Variants in GLCE observed in about 807,000 individuals in gnomAD.
The protein encoded by GLCE is D-glucuronyl C5-epimerase.
GLCE carries 19 observed loss-of-function variants against 47.9 expected under a neutral mutation model. That is an observed-to-expected ratio of 0.40 (90% CI 0.28 to 0.58). GLCE has a LOEUF of 0.58. Among genes scored for constraint, GLCE ranks in the 20% least tolerant of loss-of-function variants. GLCE has a pLI of 0.48. For missense variants in GLCE, 556 were observed against 743.3 expected (o/e 0.75, Z 2.93); for synonymous variants, 245 against 263.4 (o/e 0.93, Z 0.68).
intron 1 of GLCE, among the ~76,000 whole-genome samples, chr15:69,167,743 T>C (rs1232130670): frequency 6.6e-6 from 1 of 152,108 alleles, no homozygotes; most frequent in Non-Finnish European, 1.5e-5. Context: ...GTTACAGAAA[T>C]TTCTATATAG....
chr15:69,165,413 T>A (rs2051487154), intron 1 of GLCE, among the ~76,000 whole-genome samples: 1 of 152,070 alleles, frequency 6.6e-6, no homozygotes, highest in African/African-American at 2.4e-5. Flanking sequence ...AGCCTTCACA[T>A]ATGTTCTCTC....
At position 69,261,393 on chromosome 15, in the gene GLCE, TA is replaced by T. The variant is rs2053013111; in HGVS notation, c.829+68del. Reference sequence around the variant, plus strand: ...GATTTATGGGACCCTGATAGTCCCTTAAAATTTTAATATGGTTTAAAAAAAC... The same window carrying T: ...GATTTATGGGACCCTGATAGTCCCTTAAATTTTAATATGGTTTAAAAAAAC... On this transcript the variant is annotated intron_variant, in intron 4 of 4. Transcript: ENST00000261858. 21 of 1,482,840 alleles carry T rather than the reference TA, an allele frequency of 1.4e-5. No individual in the cohort carries two copies. The South Asian group carries it at 2.7e-4, about 19-fold the overall frequency. The allele number at this position is 1,482,840 out of a possible 1,614,324, so 91.9% of individuals were successfully genotyped here.
Position 69,193,246 on chromosome 15 carries a change from T to C in GLCE, c.-104-17070T>C, listed in dbSNP as rs142917739. 4.6e-5 allele frequency among the ~76,000 whole-genome samples: 7 copies of C among 152,270 alleles called. No homozygotes were observed. In the East Asian group the frequency reaches 1.4e-3, roughly 29 times the overall value. ...GAGGGCCCTATTATTATTGCCCTTT[T>C]AGGGCAATAGTCTGGTATCATAGAC... is the stretch of plus-strand genomic sequence containing the variant. On this transcript the variant is annotated intron_variant, in intron 1 of 4. Transcript: ENST00000261858.
intron 1 of GLCE, among the ~76,000 whole-genome samples, chr15:69,177,315 G>A (rs2051682409): frequency 6.6e-6 from 1 of 152,034 alleles, no homozygotes; most frequent in Non-Finnish European, 1.5e-5. Context: ...CATCTGCCTT[G>A]GTCTCCCAAA....
At chr15:69,203,130 C>T (rs1029895090) in intron 1 of GLCE, among the ~76,000 whole-genome samples, 5 of 152,050 alleles carry the variant, frequency 3.3e-5, no homozygotes, top group Non-Finnish European at 7.4e-5. Context: ...CTTAGCATTT[C>T]AGTGGCCAGT....
rs1485536596 is a variant in GLCE, at chr15:69,270,633, G to A, written c.*1389G>A. The A allele has an allele frequency of 6.6e-6, 1 of 152,144 alleles. No homozygotes were observed. The highest frequency in any genetic ancestry group is 1.5e-5 in the Non-Finnish European group (1 of 68,028). 9.4% of individuals were successfully genotyped at this position (152,144 alleles called of 1,614,324 possible). On this transcript the variant is annotated 3_prime_UTR_variant, in exon 5 of 5. Transcript: ENST00000261858. ...TACATTTATCTGTGACCTATATCAA[G>A]TACACATTTAGGAGCCAGGTAGGTT...
At chr15:69,223,326 T>C (rs1229482722) in intron 2 of GLCE, among the ~76,000 whole-genome samples, 2 of 152,312 alleles carry the variant, frequency 1.3e-5, no homozygotes, top group African/African-American at 2.4e-5. Flanking sequence ...TTGCCGGATA[T>C]AGGATTCTTG....
intron 2 of GLCE, among the ~76,000 whole-genome samples, chr15:69,222,894 A>G (rs933243030): frequency 6.6e-6 from 1 of 152,160 alleles, no homozygotes; most frequent in African/African-American, 2.4e-5. Flanking sequence ...TGTGGTTACC[A>G]TGGGATTACA....
At chr15:69,172,141 C>T (rs2140330257) in intron 1 of GLCE, among the ~76,000 whole-genome samples, 1 of 152,218 alleles carries the variant, frequency 6.6e-6, no homozygotes. Flanking sequence ...ATTCAATTAA[C>T]CATTTTTTTT....
chr15:69,255,285 G>A (rs1298354685), intron 2 of GLCE, among the ~76,000 whole-genome samples: 3 of 152,084 alleles, frequency 2.0e-5, no homozygotes, highest in Non-Finnish European at 4.4e-5. Context: ...TTCAGAAATC[G>A]AAAATACAAA....
In GLCE at chr15:69,268,095, A is replaced by G. The variant is rs1183680016; in HGVS notation, c.830-125A>G. 5.0e-6 allele frequency: 3 copies of G among 600,362 alleles called. No individual in the cohort carries two copies. The Admixed American group carries it at 9.6e-5, about 19-fold the overall frequency. 37.2% of individuals were successfully genotyped at this position (600,362 alleles called of 1,614,324 possible). A position where few individuals can be genotyped will look rare whatever the true frequency, so the allele number is the denominator to read the frequency against. ...AAAAAATAAAATTACAAATGATCTGATACTAAAAATATGTAAGTGTTAATT... is the reference window on the plus strand; with the variant it reads ...AAAAAATAAAATTACAAATGATCTGGTACTAAAAATATGTAAGTGTTAATT... On this transcript the variant is annotated intron_variant, in intron 4 of 4. Transcript: ENST00000261858.
chr15:69,200,412 A>G (rs1222239879), intron 1 of GLCE, among the ~76,000 whole-genome samples: 1 of 152,168 alleles, frequency 6.6e-6, no homozygotes, highest in East Asian at 1.9e-4. Flanking sequence ...GGCATATGAA[A>G]TTTGCAGTTT....
intron 1 of GLCE, among the ~76,000 whole-genome samples, chr15:69,164,687 T>A (rs989914239): frequency 6.6e-6 from 1 of 152,108 alleles, no homozygotes; most frequent in Admixed American, 6.5e-5. Flanking sequence ...ACTAGTTCCA[T>A]GTAATTTTTA....
chr15:69,240,309 A>AG (rs2052651339), intron 2 of GLCE, among the ~76,000 whole-genome samples: 1 of 149,726 alleles, frequency 6.7e-6, no homozygotes, highest in African/African-American at 2.5e-5. Flanking sequence ...AAAAAAAAAA[A>AG]AGAAAAGAAA....
At chr15:69,230,514 A>G (rs966441395) in intron 2 of GLCE, among the ~76,000 whole-genome samples, 1 of 152,210 alleles carries the variant, frequency 6.6e-6, no homozygotes, top group Non-Finnish European at 1.5e-5. Flanking sequence ...TCAATAATTG[A>G]TTCAGTTGAA....
chr15:69,234,915 T>C (rs865802239), intron 2 of GLCE, among the ~76,000 whole-genome samples: 2 of 152,156 alleles, frequency 1.3e-5, no homozygotes, highest in African/African-American at 2.4e-5. Flanking sequence ...GCTATTCTTA[T>C]CAACTTTTAT....
intron 1 of GLCE, among the ~76,000 whole-genome samples, chr15:69,200,981 C>T (rs553362152): frequency 2.0e-5 from 3 of 152,228 alleles, no homozygotes; most frequent in South Asian, 2.1e-4. Context: ...CTAGCACCTA[C>T]ATTCCACCCT....
chr15:69,165,768 A>C (rs537340286), intron 1 of GLCE, among the ~76,000 whole-genome samples: 1 of 152,096 alleles, frequency 6.6e-6, no homozygotes, highest in Non-Finnish European at 1.5e-5. Flanking sequence ...ATAGTTGGCT[A>C]TCATTACATG....
rs2053132746 is a variant in GLCE, at chr15:69,269,311, A to G, written c.*67A>G. The G allele has an allele frequency of 7.9e-7, 1 of 1,258,148 alleles. No individual in the cohort carries two copies. Among genetic ancestry groups the G allele is most frequent in the African/African-American group, 1.5e-5 (1 of 67,654 alleles). The allele number at this position is 1,258,148 out of a possible 1,614,324, so 77.9% of individuals were successfully genotyped here. On this transcript the variant is annotated 3_prime_UTR_variant, in exon 5 of 5. Transcript: ENST00000261858. ...GAAACTACAGGCTCTGTCTCAGGAG[A>G]GCATAGGCACATTTTAAAAGGTTAT...
Sources: allele counts gnomAD v4.1 joint callset (sites outside exome capture counted in the v4.1 genomes callset), GRCh38; gene constraint gnomAD v4.1.1; transcripts MANE v1.5; gene names NCBI Gene and HGNC (gene_info 2026-07-23, HGNC 2026-07-21).